Variants in SCML4 observed in about 807,000 individuals in gnomAD.
SCML4 encodes Scm polycomb group protein like 4.
A neutral mutation model predicts 41.1 loss-of-function variants in SCML4; 34 were observed. That is an observed-to-expected ratio of 0.83 (90% CI 0.63 to 1.10). The LOEUF (loss-of-function observed/expected upper bound fraction) is 1.10. Among genes scored for constraint, SCML4 ranks in the 50% least tolerant of loss-of-function variants. SCML4 has a pLI of 0.00. For synonymous variants in SCML4, 214 were observed against 220.9 expected (o/e 0.97, Z 0.28); for missense variants, 522 against 534.1 (o/e 0.98, Z 0.22).
the SCML4 span, among the ~76,000 whole-genome samples, chr6:107,833,155 T>C: frequency 6.6e-6 from 1 of 152,200 alleles, no homozygotes; most frequent in Non-Finnish European, 1.5e-5. Context: ...TTAGCTGAAT[T>C]CCATTCTTTC....
intron 1 of SCML4, among the ~76,000 whole-genome samples, chr6:107,779,084 G>A (rs1235621782): frequency 2.0e-5 from 3 of 152,104 alleles, no homozygotes; most frequent in Admixed American, 1.3e-4. Context: ...GGAGGCTGAG[G>A]CAGGAGAATG....
At chr6:107,711,471 A>C (rs980878612) in intron 6 of SCML4, among the ~76,000 whole-genome samples, 1 of 152,238 alleles carries the variant, frequency 6.6e-6, no homozygotes, top group African/African-American at 2.4e-5. Flanking sequence ...AATAGGCTGT[A>C]CCACACCGCC....
chr6:107,780,459 G>C (rs1389967265), intron 1 of SCML4, among the ~76,000 whole-genome samples: 1 of 152,148 alleles, frequency 6.6e-6, no homozygotes, highest in Non-Finnish European at 1.5e-5. Context: ...TGTATTCCCA[G>C]CAATTTGGGA....
chr6:107,774,995 T>TAAAAAAA (rs796163173), intron 1 of SCML4, among the ~76,000 whole-genome samples: 1 of 134,850 alleles, frequency 7.4e-6, no homozygotes, highest in Non-Finnish European at 1.6e-5. Context: ...AGACTCCATC[T>TAAAAAAA]AAAAAAAAAA....
intron 1 of SCML4, among the ~76,000 whole-genome samples, chr6:107,786,821 C>G (rs1246066464): frequency 6.6e-6 from 1 of 152,210 alleles, no homozygotes; most frequent in African/African-American, 2.4e-5. Flanking sequence ...GCAGAGGACT[C>G]AGCAACCACT....
intron 6 of SCML4, among the ~76,000 whole-genome samples, chr6:107,712,906 A>T (rs936733879): frequency 4.6e-5 from 7 of 152,240 alleles, no homozygotes; most frequent in Non-Finnish European, 8.8e-5. Flanking sequence ...CTTGCTCCTA[A>T]GCAGACAGAG....
chr6:107,791,760 C>A lies in SCML4; in HGVS notation c.-59-19374G>T, dbSNP rs141086669. On this transcript the variant is annotated intron_variant, in intron 1 of 7. Coordinates refer to ENST00000369020, the MANE Select transcript of SCML4 (RefSeq NM_198081.5). ...CTTGAGCCCTGGAGTTCGGGACCAGCCTGGGCAACATGGCAAAACCCCATC... is the reference window on the plus strand; with the variant it reads ...CTTGAGCCCTGGAGTTCGGGACCAGACTGGGCAACATGGCAAAACCCCATC... Among the ~76,000 whole-genome samples, 12 of 152,178 alleles carry A rather than the reference C, an allele frequency of 7.9e-5. No individual in the cohort carries two copies. The South Asian group carries it at 1.5e-3, about 18-fold the overall frequency.
At chr6:107,740,278 G>T in intron 5 of SCML4, 1 of 406,056 alleles carries the variant, frequency 2.5e-6, no homozygotes, top group Non-Finnish European at 5.0e-6. Context: ...AAAAGAGATG[G>T]TGGAAAGCCA....
chr6:107,843,202 G>A, the SCML4 span, among the ~76,000 whole-genome samples: 9 of 151,864 alleles, frequency 5.9e-5, no homozygotes, highest in East Asian at 1.9e-4. Context: ...AACATCAAGC[G>A]AAACACAAAA....
chr6:107,739,645 A>T (rs948360873), intron 5 of SCML4, among the ~76,000 whole-genome samples: 4 of 152,192 alleles, frequency 2.6e-5, no homozygotes, highest in Non-Finnish European at 5.9e-5. Context: ...ATGGAGCCTC[A>T]AACAAAAAAA....
intron 4 of SCML4, chr6:107,745,984 T>C (rs1447296671): frequency 6.7e-6 from 1 of 149,354 alleles, no homozygotes; most frequent in Non-Finnish European, 1.5e-5. Flanking sequence ...CAGAGTGAGA[T>C]CCTGTCTCAA....
upstream of SCML4, among the ~76,000 whole-genome samples, chr6:107,825,299 C>T (rs1402899431): frequency 1.3e-5 from 2 of 152,080 alleles, no homozygotes; most frequent in Non-Finnish European, 2.9e-5. Flanking sequence ...CAAATTTAGC[C>T]GGGACTAAAT....
At chr6:107,751,606 C>G (rs1778653529) in intron 2 of SCML4, among the ~76,000 whole-genome samples, 1 of 144,028 alleles carries the variant, frequency 6.9e-6, no homozygotes, top group Non-Finnish European at 1.5e-5. Context: ...TTCTTTCTTT[C>G]TTTCTTTCTT....
rs201644274 is a variant in SCML4 at position 107,720,943 on chromosome 6, G to A, written c.733C>T (p.Arg245Cys). 46 of 1,613,916 alleles carry A rather than the reference G, an allele frequency of 2.9e-5. No homozygotes were observed. Among genetic ancestry groups the A allele is most frequent in the South Asian group, 1.9e-4 (17 of 91,038 alleles). Reference protein sequence around the residue: ...EYLVNPVGMNRYSVDTSASTF... With the variant: ...EYLVNPVGMNCYSVDTSASTF... ...GAGGCGGAGGTGTCCACGCTGTAGC[G>A]GTTCATGCCCACAGGGTTCACCAGG... is the stretch of plus-strand genomic sequence containing the variant. Residue 245 changes from arginine (R) to cysteine (C), a missense_variant, in exon 6 of 8, where the codon CGC becomes TGC. By Grantham distance (180) the Arg-to-Cys change is radical. Coordinates refer to ENST00000369020, the MANE Select transcript of SCML4 (RefSeq NM_198081.5).
At position 107,778,205 on chromosome 6, in the gene SCML4, AAAAAAAAAAAAAAAAAAATATATATATAT is replaced by A. The variant is rs1158018523; in HGVS notation, c.-59-5848_-59-5820del. 1.4e-3 allele frequency among the ~76,000 whole-genome samples: 12 copies of A among 8,318 alleles called. 2 individuals are homozygous for A. The highest frequency in any genetic ancestry group is 2.8e-3 in the Admixed American group (1 of 354). The allele number at this position is 8,318 out of a possible 152,430, so 5.5% of individuals were successfully genotyped here. On this transcript the variant is annotated intron_variant, in intron 1 of 7. Transcript: ENST00000369020. ...GAGCGAGACTCTATCTCAAAAAAAA[AAAAAAAAAAAAAAAAAAATATATATATAT>A]ATATATATATATATATATATATATA... is the stretch of plus-strand genomic sequence containing the variant.
At chr6:107,721,403 A>C (rs1775397160) in intron 5 of SCML4, among the ~76,000 whole-genome samples, 1 of 152,094 alleles carries the variant, frequency 6.6e-6, no homozygotes, top group East Asian at 1.9e-4. Context: ...ATCTCTACTA[A>C]AAATACAAAA....
chr6:107,725,882 G>T (rs1355569497), intron 5 of SCML4, among the ~76,000 whole-genome samples: 1 of 151,682 alleles, frequency 6.6e-6, no homozygotes, highest in African/African-American at 2.4e-5. Flanking sequence ...TTCGAGACCA[G>T]CTTGGCCAAC....
At chr6:107,838,834 A>G in the SCML4 span, among the ~76,000 whole-genome samples, 925 of 152,322 alleles carry the variant, frequency 6.1e-3, 13 homozygotes, top group African/African-American at 0.021. Context: ...ATCACTAAAG[A>G]TTGATTTCAC....
At chr6:107,797,375 A>G (rs1246317762) in intron 1 of SCML4, among the ~76,000 whole-genome samples, 1 of 152,012 alleles carries the variant, frequency 6.6e-6, no homozygotes, top group African/African-American at 2.4e-5. Context: ...CACTAAGTCT[A>G]TTTGGGTTTT....
Sources: gnomAD v4.1 joint callset for allele counts (sites outside exome capture counted in the v4.1 genomes callset) on GRCh38, gnomAD v4.1.1 for gene constraint, MANE v1.5 for transcripts, NCBI Gene and HGNC (gene_info 2026-07-23, HGNC 2026-07-21) for gene names.